The following CEP63 variants were observed in gnomAD, a reference collection of about 807,000 sequenced individuals.
CEP63 encodes the protein centrosomal protein 63, also known as centrosomal protein of 63 kDa.
A neutral mutation model predicts 89.1 loss-of-function variants in CEP63; 84 were observed. The ratio of observed to expected loss-of-function variants is 0.94; its 90% CI spans 0.79 to 1.13. The LOEUF (loss-of-function observed/expected upper bound fraction) is 1.13. Among genes scored for constraint, CEP63 ranks in the 50% most tolerant of loss-of-function variants. CEP63 has a pLI of 0.00. For synonymous variants in CEP63, 267 were observed against 272.5 expected (o/e 0.98, Z 0.20); for missense variants, 838 against 813.3 (o/e 1.03, Z -0.37).
At position 134,564,962 on chromosome 3, in the gene CEP63, G is replaced by C. The variant is rs188371664; in HGVS notation, c.*3427G>C. ...TCCAAATTTGTCAGAACATTTGACT[G>C]TAATTTAATGTCTCACCATTTTTCA... On this transcript the variant is annotated 3_prime_UTR_variant, in exon 15 of 15. Coordinates refer to ENST00000675561, the MANE Select transcript of CEP63 (RefSeq NM_001353108.3). 24 of 977,878 alleles carry C rather than the reference G, an allele frequency of 2.5e-5. No individual in the cohort carries two copies. In the African/African-American group the frequency reaches 4.0e-4, roughly 16 times the overall value. The allele number at this position is 977,878 out of a possible 1,614,324, so 60.6% of individuals were successfully genotyped here.
the CEP63 span, among the ~76,000 whole-genome samples, chr3:134,764,607 G>A: frequency 6.6e-6 from 1 of 152,158 alleles, no homozygotes; most frequent in Admixed American, 6.5e-5. Context: ...CCCTGCCGGT[G>A]AATTGACACC....
chr3:134,705,346 G>C, the CEP63 span, among the ~76,000 whole-genome samples: 1 of 152,016 alleles, frequency 6.6e-6, no homozygotes, highest in Non-Finnish European at 1.5e-5. Flanking sequence ...GGGGTCTTAC[G>C]GGAGACTCCT....
At chr3:134,637,475 G>C in the CEP63 span, among the ~76,000 whole-genome samples, 1 of 152,180 alleles carries the variant, frequency 6.6e-6, no homozygotes, top group Admixed American at 6.5e-5. Context: ...ACAATGATCT[G>C]AGTAGTCCTG....
chr3:134,584,085 A>T (rs1424372494), intron 10 of CEP63, among the ~76,000 whole-genome samples: 1 of 152,142 alleles, frequency 6.6e-6, no homozygotes, highest in Admixed American at 6.5e-5. Context: ...GGTTGAGATG[A>T]TGGGGTTTTC....
At chr3:134,778,974 T>G in the CEP63 span, among the ~76,000 whole-genome samples, 5 of 152,172 alleles carry the variant, frequency 3.3e-5, no homozygotes, top group African/African-American at 7.2e-5. Flanking sequence ...TTTATAGAAG[T>G]GCCCAGTTTA....
chr3:134,625,652 C>T, the CEP63 span, among the ~76,000 whole-genome samples: 3 of 152,206 alleles, frequency 2.0e-5, no homozygotes, highest in African/African-American at 4.8e-5. Context: ...ATGGAAAGGC[C>T]GGGCCATCTG....
intron 3 of CEP63, among the ~76,000 whole-genome samples, chr3:134,522,391 T>A (rs188296545): frequency 2.6e-5 from 4 of 152,252 alleles, no homozygotes; most frequent in African/African-American, 9.6e-5. Flanking sequence ...ATATAGGTGA[T>A]TCTAGTGAAA....
At chr3:134,517,377 CAT>C (rs754842713) in intron 3 of CEP63, among the ~76,000 whole-genome samples, 7 of 152,160 alleles carry the variant, frequency 4.6e-5, no homozygotes, top group Non-Finnish European at 7.3e-5. Flanking sequence ...AAGCCACAAT[CAT>C]AGGGGAGAAT....
chr3:134,701,355 TATATATACATATACACACACATATATAC>T, the CEP63 span, among the ~76,000 whole-genome samples: 4 of 21,582 alleles, frequency 1.9e-4, no homozygotes, highest in Admixed American at 7.8e-4. Flanking sequence ...TATATATGTG[TATATATACATATACACACACATATATAC>T]GTATATATGT....
the CEP63 span, among the ~76,000 whole-genome samples, chr3:134,600,055 G>A: frequency 1.4e-4 from 21 of 152,256 alleles, no homozygotes; most frequent in African/African-American, 4.3e-4. Context: ...TTCAATTGCC[G>A]ACTACTTACT....
At chr3:134,694,892 T>A in the CEP63 span, among the ~76,000 whole-genome samples, 1 of 152,202 alleles carries the variant, frequency 6.6e-6, no homozygotes, top group African/African-American at 2.4e-5. Flanking sequence ...TGTGGGTGTG[T>A]GCACATGTGT....
At chr3:134,770,349 ACTTTTTCTAGTTATG>A in the CEP63 span, among the ~76,000 whole-genome samples, 2 of 152,222 alleles carry the variant, frequency 1.3e-5, no homozygotes, top group Non-Finnish European at 2.9e-5. Context: ...ATCCTAGCAT[ACTTTTTCTAGTTATG>A]CTTTTTCTAG....
the CEP63 span, among the ~76,000 whole-genome samples, chr3:134,738,013 G>A: frequency 6.6e-6 from 1 of 152,164 alleles, no homozygotes; most frequent in South Asian, 2.1e-4. Context: ...GGGTTTAAAT[G>A]AGAGCAAGAA....
the CEP63 span, among the ~76,000 whole-genome samples, chr3:134,685,017 G>A: frequency 2.0e-5 from 3 of 152,134 alleles, no homozygotes; most frequent in African/African-American, 7.2e-5. Context: ...TGGATGCTGG[G>A]TAGACATTAT....
At chr3:134,670,953 T>A in the CEP63 span, among the ~76,000 whole-genome samples, 4 of 152,212 alleles carry the variant, frequency 2.6e-5, no homozygotes, top group Non-Finnish European at 5.9e-5. Flanking sequence ...GCTATAGTTT[T>A]AAAACATGCA....
downstream of CEP63, among the ~76,000 whole-genome samples, chr3:134,567,375 C>G (rs1323291522): frequency 2.7e-5 from 4 of 145,456 alleles, no homozygotes; most frequent in East Asian, 8.5e-4. Flanking sequence ...GATGGTTGCA[C>G]AACTCTGAAT....
the CEP63 span, chr3:134,607,661 G>C: frequency 1.0e-6 from 1 of 985,664 alleles, no homozygotes. Context: ...GCTTTTTTGT[G>C]ACCAGTTCTG....
rs939645457 is a variant in CEP63 at position 134,564,836 on chromosome 3, C to T, written c.*3301C>T. ...GTTGACTAGGAGGAACAATGACAGA[C>T]TCTGTAGTCACCGGAAATACTTAAG... is the stretch of plus-strand genomic sequence containing the variant. On this transcript the variant is annotated 3_prime_UTR_variant, in exon 15 of 15. Coordinates refer to ENST00000675561, the MANE Select transcript of CEP63 (RefSeq NM_001353108.3). 2 of 985,100 alleles carry T rather than the reference C, an allele frequency of 2.0e-6. No homozygotes were observed. The highest frequency in any genetic ancestry group is 3.5e-5 in the African/African-American group (2 of 57,208). The allele number at this position is 985,100 out of a possible 1,614,324, so 61.0% of individuals were successfully genotyped here.
intron 2 of CEP63, among the ~76,000 whole-genome samples, chr3:134,504,019 T>C (rs1283412916): frequency 6.6e-6 from 1 of 152,152 alleles, no homozygotes; most frequent in Non-Finnish European, 1.5e-5. Context: ...GACTTAACTC[T>C]TGTCGTTTTG....
Sources: gnomAD v4.1 joint callset for allele counts (sites outside exome capture counted in the v4.1 genomes callset) on GRCh38, gnomAD v4.1.1 for gene constraint, MANE v1.5 for transcripts, NCBI Gene and HGNC (gene_info 2026-07-23, HGNC 2026-07-21) for gene names.